RNF220: variants seen among roughly 807,000 people sequenced by gnomAD.
RNF220 encodes ring finger protein 220, also known as E3 ubiquitin-protein ligase RNF220.
In RNF220, 7 loss-of-function variants were observed where a neutral mutation model predicts 67.1. The observed-to-expected ratio is 0.10, with a 90% CI of 0.06 to 0.20. RNF220 has a LOEUF of 0.20. Ranked by LOEUF, RNF220 falls within the 10% of genes least tolerant of loss-of-function variation. The pLI is 1.00. For synonymous variants in RNF220, 270 were observed against 283.2 expected, an observed-to-expected ratio of 0.95 and a Z score of 0.47; for missense variants, 565 against 740.3, an observed-to-expected ratio of 0.76 and a Z score of 2.75.
At chr1:44,566,354 G>C (rs905851251) in intron 2 of RNF220, among the ~76,000 whole-genome samples, 1 of 152,164 alleles carries the variant, frequency 6.6e-6, no homozygotes, top group African/African-American at 2.4e-5. Flanking sequence ...GGGGAGCCAA[G>C]ACTAAGTGCG....
chr1:44,594,802 A>G (rs982666851), intron 2 of RNF220, among the ~76,000 whole-genome samples: 2 of 152,214 alleles, frequency 1.3e-5, no homozygotes, highest in Admixed American at 6.5e-5. Context: ...GCTAGGAGGT[A>G]GGGCTGGGTT....
At chr1:44,480,167 G>A (rs1655665221) in intron 2 of RNF220, among the ~76,000 whole-genome samples, 1 of 152,164 alleles carries the variant, frequency 6.6e-6, no homozygotes, top group Non-Finnish European at 1.5e-5. Context: ...ACTTTGGGAG[G>A]CCAAGGCAAG....
Position 44,650,201 on chromosome 1 carries a change from C to T in RNF220, c.1629+244C>T. The stretch of plus-strand genomic sequence containing the variant: ...TGCATTCTCCCTTCCCCGCCCCGGT[C>T]CCCGAAGGCCCACTGCATCACACAG... On this transcript the variant is annotated intron_variant, in intron 14 of 14. Coordinates refer to ENST00000361799, the MANE Select transcript of RNF220 (RefSeq NM_018150.4). This position sits in a 1 kb window ranked among gnomAD's most constrained non-coding sequence, Gnocchi z 4.3. 1.7e-6 allele frequency: 1 copy of T among 578,866 alleles called. No individual in the cohort carries two copies. The highest frequency in any genetic ancestry group is 2.9e-5 in the East Asian group (1 of 34,324). 35.9% of individuals were successfully genotyped at this position (578,866 alleles called of 1,614,324 possible).
rs1363293776 is a variant in RNF220, at chr1:44,645,767, G to C, written c.1445+279G>C. Among the ~76,000 whole-genome samples the C allele has an allele frequency of 6.6e-6, 1 of 152,262 alleles. No individual in the cohort carries two copies. ...CCTGCTGCGGCGGCCTTCGCCCGGG[G>C]AATGTGATGTATGGCCGCCCAGCCC... On this transcript the variant is annotated intron_variant, in intron 12 of 14. Transcript: ENST00000361799. This position sits in a 1 kb window ranked among gnomAD's most constrained non-coding sequence, Gnocchi z 5.0.
intron 2 of RNF220, among the ~76,000 whole-genome samples, chr1:44,503,853 T>A (rs1441659638): frequency 6.6e-6 from 1 of 151,958 alleles, no homozygotes; most frequent in African/African-American, 2.4e-5. Flanking sequence ...ATCCGTGGGT[T>A]GTTTTTTGTT....
chr1:44,497,426 A>G lies in RNF220; in HGVS notation c.625+84704A>G, dbSNP rs925978654. 3.9e-5 allele frequency among the ~76,000 whole-genome samples: 6 copies of G among 152,108 alleles called. No individual in the cohort carries two copies. The South Asian group carries it at 1.2e-3, about 32-fold the overall frequency. On this transcript the variant is annotated intron_variant, in intron 2 of 14. Coordinates refer to ENST00000361799, the MANE Select transcript of RNF220 (RefSeq NM_018150.4). The stretch of plus-strand genomic sequence containing the variant: ...TTAGAGACCAAGGTTTTCCTGTATA[A>G]AACAACCCTAGGAGTCTCAACCACC...
chr1:44,405,165 CTGTA>C (rs1246299168), upstream of RNF220: 6 of 254,610 alleles, frequency 2.4e-5, no homozygotes, highest in Admixed American at 5.7e-5. Flanking sequence ...CTCAGAGTGC[CTGTA>C]TGTGTGTGAG....
chr1:44,601,712 C>T (rs949428325), intron 2 of RNF220, among the ~76,000 whole-genome samples: 3 of 151,750 alleles, frequency 2.0e-5, no homozygotes, highest in Non-Finnish European at 2.9e-5. Context: ...GATGGCGAGG[C>T]GGCTCAAGAT....
At chr1:44,522,659 G>T (rs1159293224) in intron 2 of RNF220, among the ~76,000 whole-genome samples, 1 of 152,100 alleles carries the variant, frequency 6.6e-6, no homozygotes, top group Non-Finnish European at 1.5e-5. Flanking sequence ...CTCCTGGGGG[G>T]GCGGGGGGAC....
rs1557996558 is a variant in RNF220, at chr1:44,509,884, C to CAAAAAAAAAAA, written c.625+97162_625+97163insAAAAAAAAAAA. On this transcript the variant is annotated intron_variant, in intron 2 of 14. Transcript: ENST00000361799. ...CCTGGGTGACAGAGCGAGACCCTGT[C>CAAAAAAAAAAA]CAAAAAAAAAAAAAAAAAAAAAGGA... is the stretch of plus-strand genomic sequence containing the variant. 3.9e-4 allele frequency among the ~76,000 whole-genome samples: 31 copies of CAAAAAAAAAAA among 80,404 alleles called. 5 individuals carry two copies. The highest frequency in any genetic ancestry group is 9.4e-4 in the African/African-American group (20 of 21,262). The allele number at this position is 80,404 out of a possible 152,430, so 52.7% of individuals were successfully genotyped here.
At chr1:44,576,723 G>C (rs2148332083) in intron 2 of RNF220, among the ~76,000 whole-genome samples, 1 of 152,324 alleles carries the variant, frequency 6.6e-6, no homozygotes, top group East Asian at 1.9e-4. Context: ...AAAGAAAAAG[G>C]GGGGAAAAAA....
At chr1:44,484,036 G>A (rs532944452) in intron 2 of RNF220, among the ~76,000 whole-genome samples, 1 of 152,274 alleles carries the variant, frequency 6.6e-6, no homozygotes, top group African/African-American at 2.4e-5. Context: ...CCAGCCTTGG[G>A]CTGGTTCTCC....
intron 2 of RNF220, among the ~76,000 whole-genome samples, chr1:44,574,983 C>T (rs1558057218): frequency 1.3e-5 from 2 of 152,252 alleles, no homozygotes; most frequent in East Asian, 1.9e-4. Context: ...GTTTCCATCA[C>T]CTCGAGTATT....
intron 2 of RNF220, among the ~76,000 whole-genome samples, chr1:44,477,443 C>T (rs1462933533): frequency 6.6e-6 from 1 of 152,150 alleles, no homozygotes; most frequent in Non-Finnish European, 1.5e-5. Flanking sequence ...AAGTTAAGGC[C>T]TGCAATGAGC....
intron 2 of RNF220, among the ~76,000 whole-genome samples, chr1:44,496,655 T>C (rs1657372038): frequency 2.0e-5 from 3 of 152,166 alleles, no homozygotes; most frequent in Admixed American, 2.0e-4. Flanking sequence ...ACCTCCACAG[T>C]GGCATGGTTT....
At chr1:44,416,228 C>T (rs1325596637) in intron 2 of RNF220, among the ~76,000 whole-genome samples, 2 of 152,230 alleles carry the variant, frequency 1.3e-5, no homozygotes, top group African/African-American at 4.8e-5. Flanking sequence ...ACTGAGGTAA[C>T]TCCTGCTTAT....
chr1:44,583,701 C>T (rs1366270384), intron 2 of RNF220, among the ~76,000 whole-genome samples: 2 of 152,232 alleles, frequency 1.3e-5, no homozygotes, highest in Non-Finnish European at 2.9e-5. Flanking sequence ...GGTTCAGCCA[C>T]TTCTTTCTTT....
intron 2 of RNF220, among the ~76,000 whole-genome samples, chr1:44,518,986 G>A (rs1190189879): frequency 6.6e-6 from 1 of 152,120 alleles, no homozygotes; most frequent in East Asian, 1.9e-4. Context: ...CAGGGTAGAT[G>A]CTCAATAAAT....
chr1:44,567,204 A>T (rs1427370616), intron 2 of RNF220, among the ~76,000 whole-genome samples: 2 of 152,068 alleles, frequency 1.3e-5, no homozygotes, highest in African/African-American at 4.8e-5. Context: ...TGGTTAGGGA[A>T]CCAGGAACAG....
Sources: gnomAD v4.1 joint callset for allele counts (sites outside exome capture counted in the v4.1 genomes callset) on GRCh38, gnomAD v4.1.1 for gene constraint, Gnocchi (gnomAD v3.1) non-coding constraint, MANE v1.5 for transcripts, NCBI Gene and HGNC (gene_info 2026-07-23, HGNC 2026-07-21) for gene names.